The following VCL variants were observed in gnomAD, a reference collection of about 807,000 sequenced individuals.
The protein encoded by VCL is epididymis luminal protein 114.
Under a neutral mutation model 125.7 loss-of-function variants are expected in VCL, and 47 were observed. The observed-to-expected ratio is 0.37, with a 90% CI of 0.30 to 0.48. VCL has a LOEUF of 0.48. Ranked by LOEUF, VCL falls within the 20% of genes least tolerant of loss-of-function variation. The pLI is 0.99. For synonymous variants in VCL, 458 were observed against 514.6 expected (o/e 0.89, Z 1.49); for missense variants, 1,069 against 1,455.5 (o/e 0.73, Z 4.32).
At chr10:74,048,100 T>C (rs1349349089) in intron 2 of VCL, among the ~76,000 whole-genome samples, 1 of 152,212 alleles carries the variant, frequency 6.6e-6, no homozygotes, top group Non-Finnish European at 1.5e-5. Flanking sequence ...CAGATTGTCA[T>C]AAACTTCAGG....
chr10:74,016,217 TA>T (rs900770889), intron 1 of VCL, among the ~76,000 whole-genome samples: 1 of 152,214 alleles, frequency 6.6e-6, no homozygotes, highest in African/African-American at 2.4e-5. Flanking sequence ...GTTCTTTTAT[TA>T]TACTTAAAAT....
intron 5 of VCL, 84 bp from the exon 6 acceptor site, chr10:74,074,659 C>G: frequency 6.6e-7 from 1 of 1,515,530 alleles, no homozygotes; most frequent in Non-Finnish European, 9.0e-7. Flanking sequence ...CCCAAAACAT[C>G]TAAAGTGTAG....
At chr10:74,004,818 C>T (rs200281479) in intron 1 of VCL, among the ~76,000 whole-genome samples, 1 of 151,662 alleles carries the variant, frequency 6.6e-6, no homozygotes, top group Non-Finnish European at 1.5e-5. Flanking sequence ...GATTCTCCTG[C>T]CTCAGCCTCC....
chr10:74,112,759 C>A (rs1217956150), intron 19 of VCL, among the ~76,000 whole-genome samples: 2 of 152,108 alleles, frequency 1.3e-5, no homozygotes, highest in Non-Finnish European at 2.9e-5. Context: ...GGGGAATGAA[C>A]CAAAGCTAGT....
intron 2 of VCL, among the ~76,000 whole-genome samples, chr10:74,054,623 T>C (rs552774088): frequency 7.9e-4 from 120 of 152,312 alleles, no homozygotes; most frequent in African/African-American, 2.6e-3. Flanking sequence ...CTTTAAGTAA[T>C]AATAGTGAAA....
intron 2 of VCL, among the ~76,000 whole-genome samples, chr10:74,070,392 G>A (rs553021165): frequency 1.3e-5 from 2 of 152,268 alleles, no homozygotes; most frequent in East Asian, 3.9e-4. Context: ...TAAAGAATAA[G>A]GGCAGTGCAC....
intron 17 of VCL, among the ~76,000 whole-genome samples, chr10:74,107,768 CTTTA>C (rs1840160693): frequency 2.0e-5 from 3 of 151,860 alleles, no homozygotes; most frequent in Non-Finnish European, 2.9e-5. Context: ...TGGTTCTTTC[CTTTA>C]TTTGACTTTT....
chr10:74,012,708 T>C (rs144179299), intron 1 of VCL, among the ~76,000 whole-genome samples: 2 of 152,244 alleles, frequency 1.3e-5, no homozygotes, highest in African/African-American at 2.4e-5. Flanking sequence ...CCTTTGAGCA[T>C]TGGCCTCAGC....
chr10:74,012,171 CCTCT>C (rs1840448449), intron 1 of VCL, among the ~76,000 whole-genome samples: 1 of 152,170 alleles, frequency 6.6e-6, no homozygotes, highest in South Asian at 2.1e-4. Context: ...TTCTCTTTGT[CCTCT>C]CTCCATCCCT....
intron 15 of VCL, chr10:74,104,807 G>A: frequency 1.9e-6 from 1 of 536,496 alleles, no homozygotes. Context: ...GTGGATACAA[G>A]AAGGCTGGCA....
At chr10:74,078,628 A>T (rs192385423) in intron 6 of VCL, among the ~76,000 whole-genome samples, 1 of 152,300 alleles carries the variant, frequency 6.6e-6, no homozygotes, top group East Asian at 1.9e-4. Flanking sequence ...TGGCTAGTAC[A>T]TCTGATCATG....
chr10:74,017,896 T>C (rs950883597), intron 1 of VCL, among the ~76,000 whole-genome samples: 1 of 151,930 alleles, frequency 6.6e-6, no homozygotes, highest in South Asian at 2.1e-4. Context: ...AGGTGGCTCA[T>C]GCCTGTAATC....
intron 1 of VCL, among the ~76,000 whole-genome samples, chr10:74,017,856 G>C (rs1024961562): frequency 2.0e-5 from 3 of 151,870 alleles, no homozygotes; most frequent in Non-Finnish European, 4.4e-5. Context: ...GAATAGCAAG[G>C]CACCTTTAAA....
intron 1 of VCL, among the ~76,000 whole-genome samples, chr10:74,005,821 TATAA>T (rs1384909301): frequency 6.6e-6 from 1 of 152,234 alleles, no homozygotes; most frequent in Non-Finnish European, 1.5e-5. Context: ...ATGTAAATGT[TATAA>T]ATAGTTATAC....
chr10:74,038,323 A>G (rs555769882), intron 1 of VCL, among the ~76,000 whole-genome samples: 15 of 152,308 alleles, frequency 9.8e-5, no homozygotes, highest in Admixed American at 2.0e-4. Flanking sequence ...CAAGTGGTCA[A>G]TACTCACAGG....
At chr10:74,010,854 AC>A (rs2136226813) in intron 1 of VCL, among the ~76,000 whole-genome samples, 1 of 152,262 alleles carries the variant, frequency 6.6e-6, no homozygotes, top group Admixed American at 6.5e-5. Context: ...TCCTGAAAGA[AC>A]TTCTGGTCCC....
chr10:74,088,009 TA>T (rs1008415557), intron 8 of VCL, among the ~76,000 whole-genome samples: 1 of 151,752 alleles, frequency 6.6e-6, no homozygotes, highest in Non-Finnish European at 1.5e-5. Flanking sequence ...TCAAAAAAAA[TA>T]AAAAAACCCA....
intron 19 of VCL, among the ~76,000 whole-genome samples, chr10:74,113,662 AT>A (rs1256434340): frequency 1.3e-5 from 2 of 151,120 alleles, no homozygotes; most frequent in Admixed American, 1.3e-4. Flanking sequence ...CTTGGCTGCT[AT>A]TTGCAACAAG....
chr10:74,010,429 T>G (rs1840411884), intron 1 of VCL, among the ~76,000 whole-genome samples: 1 of 152,218 alleles, frequency 6.6e-6, no homozygotes. Flanking sequence ...AGAATAATTT[T>G]TCTTGTTACA....
Sources: allele counts gnomAD v4.1 joint callset (sites outside exome capture counted in the v4.1 genomes callset), GRCh38; gene constraint gnomAD v4.1.1; transcripts MANE v1.5; gene names NCBI Gene and HGNC (gene_info 2026-07-23, HGNC 2026-07-21).